The following PLA2G4A variants were observed in gnomAD, a reference collection of about 807,000 sequenced individuals.
PLA2G4A encodes the protein phospholipase A2 group IVA, also known as cytosolic phospholipase A2.
In PLA2G4A, 40 loss-of-function variants were observed where a neutral mutation model predicts 81.9. The ratio of observed to expected loss-of-function variants is 0.49; its 90% CI spans 0.38 to 0.64. The LOEUF (loss-of-function observed/expected upper bound fraction) is 0.64, where lower values mean the gene tolerates loss of function less well. PLA2G4A is among the 30% of genes least tolerant of loss of function. The pLI, the probability that PLA2G4A is intolerant of heterozygous loss-of-function variation, is 0.00. For synonymous variants in PLA2G4A, 302 were observed against 296.9 expected (o/e 1.02, Z -0.18); for missense variants, 715 against 905.1 (o/e 0.79, Z 2.69).
intron 10 of PLA2G4A, among the ~76,000 whole-genome samples, chr1:186,945,516 T>G (rs2102231075): frequency 6.6e-6 from 1 of 152,036 alleles, no homozygotes; most frequent in South Asian, 2.1e-4. Flanking sequence ...ATTGTGGAGG[T>G]CCAGGAGAGA....
At chr1:186,879,248 A>G (rs964652999) in intron 3 of PLA2G4A, among the ~76,000 whole-genome samples, 1 of 151,946 alleles carries the variant, frequency 6.6e-6, no homozygotes, top group African/African-American at 2.4e-5. Flanking sequence ...GAATAATGCA[A>G]ATCTCCAGAT....
intron 7 of PLA2G4A, among the ~76,000 whole-genome samples, chr1:186,926,463 A>G (rs1655550947): frequency 6.6e-6 from 1 of 152,206 alleles, no homozygotes; most frequent in African/African-American, 2.4e-5. Flanking sequence ...AGTACCACCC[A>G]TTCCCATAAC....
chr1:186,877,043 T>C (rs537307650), intron 3 of PLA2G4A, among the ~76,000 whole-genome samples: 46 of 152,174 alleles, frequency 3.0e-4, no homozygotes, highest in Non-Finnish European at 5.4e-4. Context: ...GGGTGTTGGA[T>C]ATTTAGGGAA....
chr1:186,985,364 A>T (rs1205084288), intron 17 of PLA2G4A, among the ~76,000 whole-genome samples: 1 of 152,222 alleles, frequency 6.6e-6, no homozygotes, highest in Admixed American at 6.5e-5. Flanking sequence ...CGGATAAAAA[A>T]AAATGCAAGC....
At chr1:186,846,534 A>G (rs904413853) in intron 1 of PLA2G4A, among the ~76,000 whole-genome samples, 4 of 152,172 alleles carry the variant, frequency 2.6e-5, no homozygotes, top group Admixed American at 6.6e-5. Flanking sequence ...GACATCTGAC[A>G]ACCACAGTAC....
intron 8 of PLA2G4A, among the ~76,000 whole-genome samples, chr1:186,934,294 T>C (rs1000647651): frequency 1.8e-4 from 27 of 151,824 alleles, no homozygotes; most frequent in African/African-American, 6.0e-4. Context: ...AGACTTCGAG[T>C]GCTGATTTGG....
At chr1:186,835,410 G>A (rs1367372391) in intron 1 of PLA2G4A, among the ~76,000 whole-genome samples, 4 of 152,106 alleles carry the variant, frequency 2.6e-5, no homozygotes, top group African/African-American at 7.2e-5. Context: ...TATTATGAAA[G>A]TATTGAAAAA....
In PLA2G4A at chr1:186,830,944, T is replaced by A. The variant is rs568535072; in HGVS notation, c.-70+1909T>A. On this transcript the variant is annotated intron_variant, in intron 1 of 17. Transcript: ENST00000367466. ...CTTGCTCCAGATTGTATAGCTTGCT[T>A]GCTTGCTTGCTTGCTTTCTTTCTTT... Among the ~76,000 whole-genome samples, 389 of 42,844 alleles carry A rather than the reference T, an allele frequency of 9.1e-3. 4 individuals carry two copies. Among genetic ancestry groups the A allele is most frequent in the African/African-American group, 0.022 (275 of 12,406 alleles). 28.1% of individuals were successfully genotyped at this position (42,844 alleles called of 152,430 possible). A position where few individuals can be genotyped will look rare whatever the true frequency, so the allele number is the denominator to read the frequency against.
intron 1 of PLA2G4A, among the ~76,000 whole-genome samples, chr1:186,842,881 A>G (rs1652039513): frequency 6.6e-6 from 1 of 152,182 alleles, no homozygotes; most frequent in South Asian, 2.1e-4. Context: ...CACTTTCATC[A>G]TGCCACCTCC....
chr1:186,936,424 C>T (rs1655947339), intron 8 of PLA2G4A, among the ~76,000 whole-genome samples: 1 of 151,902 alleles, frequency 6.6e-6, no homozygotes, highest in Non-Finnish European at 1.5e-5. Context: ...TTCCTTAGGT[C>T]ATAGTTGCTT....
chr1:186,857,980 A>G (rs1571339876), intron 2 of PLA2G4A, among the ~76,000 whole-genome samples: 2 of 152,134 alleles, frequency 1.3e-5, no homozygotes, highest in East Asian at 1.9e-4. Flanking sequence ...TATGTGCCAC[A>G]GTTTCTTAAT....
intron 15 of PLA2G4A, among the ~76,000 whole-genome samples, chr1:186,971,256 A>T (rs1373380396): frequency 6.6e-6 from 1 of 151,892 alleles, no homozygotes; most frequent in Admixed American, 6.6e-5. Context: ...ACAATCTTGC[A>T]GTTCTTATGT....
At chr1:186,832,115 ATT>A (rs750262741) in intron 1 of PLA2G4A, among the ~76,000 whole-genome samples, 26 of 152,278 alleles carry the variant, frequency 1.7e-4, no homozygotes, top group Admixed American at 3.9e-4. Context: ...GTACTGGCCA[ATT>A]ATATCTTGTT....
chr1:186,949,374 A>G (rs1367241228), intron 12 of PLA2G4A, among the ~76,000 whole-genome samples: 1 of 12,284 alleles, frequency 8.1e-5, no homozygotes, highest in African/African-American at 1.1e-3. Flanking sequence ...AAGAAAGAAA[A>G]GAAAGAAAGA....
chr1:186,955,571 G>C (rs1385638547), intron 13 of PLA2G4A, among the ~76,000 whole-genome samples: 2 of 152,036 alleles, frequency 1.3e-5, no homozygotes, highest in Non-Finnish European at 2.9e-5. Context: ...AAGTGGCACT[G>C]TCGAGAATAT....
At chr1:186,937,745 C>G (rs1209480367) in intron 8 of PLA2G4A, among the ~76,000 whole-genome samples, 1 of 150,692 alleles carries the variant, frequency 6.6e-6, no homozygotes. Context: ...AAAAAATAGC[C>G]TACTGGGGAG....
In PLA2G4A at chr1:186,852,727, C is replaced by T. The variant is rs12720493; in HGVS notation, c.-69-1559C>T. ...TCTAATCACCTCTCAAAGGCCCCAC[C>T]TCCCAATACCATTACATTAGCAATG... On this transcript the variant is annotated intron_variant, in intron 1 of 17. Coordinates refer to ENST00000367466, the MANE Select transcript of PLA2G4A (RefSeq NM_024420.3). Among the ~76,000 whole-genome samples, 82 of 152,064 alleles carry T rather than the reference C, an allele frequency of 5.4e-4. No homozygotes were observed. In the South Asian group the frequency reaches 0.017, roughly 31 times the overall value.
chr1:186,863,496 A>C (rs1652892224), intron 2 of PLA2G4A, among the ~76,000 whole-genome samples: 1 of 152,162 alleles, frequency 6.6e-6, no homozygotes, highest in Admixed American at 6.6e-5. Flanking sequence ...TGTGGTGAGC[A>C]CATTAAAAAT....
At chr1:186,845,838 C>T (rs1298443413) in intron 1 of PLA2G4A, among the ~76,000 whole-genome samples, 1 of 152,116 alleles carries the variant, frequency 6.6e-6, no homozygotes, top group Non-Finnish European at 1.5e-5. Flanking sequence ...AGTTACATTG[C>T]ATCGGGAAGT....
Sources: gnomAD v4.1 joint callset for allele counts (sites outside exome capture counted in the v4.1 genomes callset) on GRCh38, gnomAD v4.1.1 for gene constraint, MANE v1.5 for transcripts, NCBI Gene and HGNC (gene_info 2026-07-23, HGNC 2026-07-21) for gene names.